Variants in YPEL2 observed in about 807,000 individuals in gnomAD.
YPEL2 encodes yippee like 2.
YPEL2 carries 2 observed loss-of-function variants against 19.1 expected under a neutral mutation model. That is an observed-to-expected ratio of 0.10 (90% CI 0.04 to 0.33). The LOEUF (loss-of-function observed/expected upper bound fraction) is 0.33, where lower values mean the gene tolerates loss of function less well. Ranked by LOEUF, YPEL2 falls within the 10% of genes least tolerant of loss-of-function variation. YPEL2 has a pLI of 1.00. For missense variants in YPEL2, 66 were observed against 140.7 expected, an observed-to-expected ratio of 0.47 and a Z score of 2.68; for synonymous variants, 52 against 50.0, an observed-to-expected ratio of 1.04 and a Z score of -0.17.
intron 2 of YPEL2, among the ~76,000 whole-genome samples, chr17:59,378,326 C>T (rs905358265): frequency 7.5e-5 from 11 of 147,146 alleles, no homozygotes; most frequent in Non-Finnish European, 1.6e-4. Flanking sequence ...CATTAAATGG[C>T]TTAAGTCCCA....
At chr17:59,359,286 C>T (rs2047828720) in intron 2 of YPEL2, among the ~76,000 whole-genome samples, 1 of 152,148 alleles carries the variant, frequency 6.6e-6, no homozygotes, top group South Asian at 2.1e-4. Context: ...TATCTGTGTC[C>T]TGAAAACCTC....
chr17:59,348,208 ACACCCCAT>A (rs1344812144), intron 1 of YPEL2, among the ~76,000 whole-genome samples: 2 of 152,204 alleles, frequency 1.3e-5, no homozygotes, highest in Non-Finnish European at 2.9e-5. Flanking sequence ...CTCCTCTCAG[ACACCCCAT>A]GGAAACAACA....
At chr17:59,391,955 G>T (rs1347674820) in intron 4 of YPEL2, among the ~76,000 whole-genome samples, 1 of 151,948 alleles carries the variant, frequency 6.6e-6, no homozygotes, top group African/African-American at 2.4e-5. Context: ...GCCAAGATGG[G>T]TTAGCCACAG....
chr17:59,352,794 T>C (rs1041602715), intron 1 of YPEL2, among the ~76,000 whole-genome samples: 2 of 152,180 alleles, frequency 1.3e-5, no homozygotes, highest in Admixed American at 6.5e-5. Context: ...CAGGTGTGAC[T>C]GTTGGATGTG....
intron 2 of YPEL2, among the ~76,000 whole-genome samples, chr17:59,371,465 T>A (rs1262809106): frequency 6.6e-6 from 1 of 152,162 alleles, no homozygotes; most frequent in Non-Finnish European, 1.5e-5. Context: ...GGGTGGAAAT[T>A]GGAGGCTGAA....
chr17:59,373,684 C>T (rs1042721736), intron 2 of YPEL2, among the ~76,000 whole-genome samples: 3 of 152,164 alleles, frequency 2.0e-5, no homozygotes, highest in African/African-American at 7.2e-5. Context: ...CTGAGTCACT[C>T]CCTTCTTGTT....
intron 2 of YPEL2, chr17:59,355,179 CT>C (rs2047806719): frequency 1.3e-5 from 2 of 152,280 alleles, no homozygotes; most frequent in South Asian, 4.1e-4. Context: ...CATATGAAGT[CT>C]TTAAGGTAGT....
chr17:59,349,173 CAAAAAAAAA>C lies in YPEL2; in HGVS notation c.-195-4025_-195-4017del, dbSNP rs57129006. Among the ~76,000 whole-genome samples the C allele has an allele frequency of 2.8e-4, 16 of 57,526 alleles. No homozygotes were observed. The East Asian group carries it at 6.4e-3, about 23-fold the overall frequency. 37.7% of individuals were successfully genotyped at this position (57,526 alleles called of 152,430 possible). ...TGGGTGACAGAGCGAGACTCCGTCT[CAAAAAAAAA>C]AAAAAAAAAAAAAAAATCAATTTTC... On this transcript the variant is annotated intron_variant, in intron 1 of 4. Transcript: ENST00000312655.
Position 59,352,560 on chromosome 17 carries a change from A to T in YPEL2, c.-195-655A>T, listed in dbSNP as rs1300325491. The stretch of plus-strand genomic sequence containing the variant: ...GCCATTGATTTCATTCATTTGGTTT[A>T]AAAAAATGTACTGAGTATTTACTTC... On this transcript the variant is annotated intron_variant, in intron 1 of 4. Coordinates refer to ENST00000312655, the MANE Select transcript of YPEL2 (RefSeq NM_001005404.4). Among the ~76,000 whole-genome samples the T allele has an allele frequency of 2.6e-5, 4 of 152,266 alleles. No homozygotes were observed. In the East Asian group the frequency reaches 7.7e-4, roughly 29 times the overall value.
intron 2 of YPEL2, among the ~76,000 whole-genome samples, chr17:59,358,261 A>G (rs973812003): frequency 5.9e-5 from 9 of 152,066 alleles, no homozygotes; most frequent in African/African-American, 2.2e-4. Flanking sequence ...TTTATTCCCT[A>G]TGGGGTTCCA....
intron 1 of YPEL2, among the ~76,000 whole-genome samples, chr17:59,341,872 C>T (rs187975433): frequency 1.3e-5 from 2 of 152,266 alleles, no homozygotes; most frequent in East Asian, 3.9e-4. Context: ...CCCACCCCAC[C>T]GCCTTTCCTC....
At chr17:59,348,744 G>C (rs776595454) in intron 1 of YPEL2, among the ~76,000 whole-genome samples, 2 of 152,132 alleles carry the variant, frequency 1.3e-5, no homozygotes, top group Non-Finnish European at 2.9e-5. Context: ...TTTGATGACT[G>C]TTGGAAATCA....
At chr17:59,387,690 G>T (rs775428501) in intron 2 of YPEL2, among the ~76,000 whole-genome samples, 2 of 152,234 alleles carry the variant, frequency 1.3e-5, no homozygotes, top group Non-Finnish European at 2.9e-5. Flanking sequence ...AGAGGTTAAA[G>T]TGGAATTGCT....
At chr17:59,359,194 G>A (rs2147942806) in intron 2 of YPEL2, among the ~76,000 whole-genome samples, 1 of 152,308 alleles carries the variant, frequency 6.6e-6, no homozygotes, top group South Asian at 2.1e-4. Flanking sequence ...AAAGTGTTGG[G>A]ATTACAGGCG....
chr17:59,374,045 G>T (rs2047908960), intron 2 of YPEL2, among the ~76,000 whole-genome samples: 1 of 152,216 alleles, frequency 6.6e-6, no homozygotes, highest in African/African-American at 2.4e-5. Flanking sequence ...TGGACTCACA[G>T]AATGTTCACC....
In YPEL2 at chr17:59,372,854, A is replaced by G. The variant is rs1238557416; in HGVS notation, c.118-15473A>G. 1.2e-4 allele frequency among the ~76,000 whole-genome samples: 19 copies of G among 152,232 alleles called. No homozygotes were observed. In the East Asian group the frequency reaches 3.7e-3, roughly 29 times the overall value. On this transcript the variant is annotated intron_variant, in intron 2 of 4. Transcript: ENST00000312655. ...CAATGCCCCGAGGCAGTATCAGAAC[A>G]TGGGACATACAGTGTAGTGTTGTTA...
chr17:59,368,727 CAG>C (rs748595064), intron 2 of YPEL2, among the ~76,000 whole-genome samples: 16 of 152,136 alleles, frequency 1.1e-4, no homozygotes, highest in Non-Finnish European at 2.2e-4. Context: ...GGAGTTTAGA[CAG>C]AGTTCTGGAT....
chr17:59,393,626 A>G (rs2048020005), intron 4 of YPEL2, among the ~76,000 whole-genome samples: 1 of 147,520 alleles, frequency 6.8e-6, no homozygotes, highest in African/African-American at 2.5e-5. Flanking sequence ...AAGTGAACAA[A>G]GGTCTCTGGT....
At chr17:59,387,257 TAAA>T (rs373789547) in intron 2 of YPEL2, among the ~76,000 whole-genome samples, 23 of 77,556 alleles carry the variant, frequency 3.0e-4, no homozygotes, top group South Asian at 9.3e-4. Context: ...AGACTCCATC[TAAA>T]AAAAAAAAAA....
Sources: allele counts gnomAD v4.1 joint callset (sites outside exome capture counted in the v4.1 genomes callset), GRCh38; gene constraint gnomAD v4.1.1; transcripts MANE v1.5; gene names NCBI Gene and HGNC (gene_info 2026-07-23, HGNC 2026-07-21).